The following CARM1 variants were observed in gnomAD, a reference collection of about 807,000 sequenced individuals.
CARM1 encodes the protein histone-arginine methyltransferase CARM1.
In CARM1, 14 loss-of-function variants were observed where a neutral mutation model predicts 72.7. The observed-to-expected ratio is 0.19, with a 90% CI of 0.13 to 0.30. CARM1 has a LOEUF of 0.30. Among genes scored for constraint, CARM1 ranks in the 10% least tolerant of loss-of-function variants. The pLI, the probability that CARM1 is intolerant of heterozygous loss-of-function variation, is 1.00. For missense variants in CARM1, 432 were observed against 833.7 expected, an observed-to-expected ratio of 0.52 and a Z score of 5.93; for synonymous variants, 333 against 345.5, an observed-to-expected ratio of 0.96 and a Z score of 0.40.
chr19:10,920,953 A>C lies in CARM1; in HGVS notation c.1537+7A>C. 1 of 1,613,656 alleles carries C rather than the reference A, an allele frequency of 6.2e-7. No homozygotes were observed. Among genetic ancestry groups the C allele is most frequent in the Non-Finnish European group, 8.5e-7 (1 of 1,179,540 alleles). ...AGCGGGATGGCCGTGGCAGGTGAGC[A>C]GGGCCCACCCCAATGCCCAGCCAAC... is the stretch of plus-strand genomic sequence containing the variant. On this transcript the variant is annotated splice_region_variant and intron_variant, in intron 13 of 15. Coordinates refer to ENST00000327064, the MANE Select transcript of CARM1 (RefSeq NM_199141.2). The surrounding 1 kb of genome is among the most constrained non-coding windows in gnomAD (Gnocchi z 5.3).
intron 1 of CARM1, among the ~76,000 whole-genome samples, chr19:10,881,864 A>T (rs2073904461): frequency 6.6e-6 from 1 of 152,188 alleles, no homozygotes; most frequent in South Asian, 2.1e-4. Flanking sequence ...TTAGGAGCCC[A>T]GGGATGTGGT....
At chr19:10,900,982 C>G (rs948566391) in intron 1 of CARM1, among the ~76,000 whole-genome samples, 1 of 140,042 alleles carries the variant, frequency 7.1e-6, no homozygotes, top group African/African-American at 2.6e-5. Flanking sequence ...TGCACCCGGA[C>G]TTTTTTTTTT....
chr19:10,883,300 G>A (rs1003433153), intron 1 of CARM1, among the ~76,000 whole-genome samples: 2 of 152,164 alleles, frequency 1.3e-5, no homozygotes, highest in African/African-American at 2.4e-5. Flanking sequence ...AGGTGTGGGG[G>A]TAGGTAGGAC....
At chr19:10,886,519 T>A (rs1019159575) in intron 1 of CARM1, among the ~76,000 whole-genome samples, 14 of 150,914 alleles carry the variant, frequency 9.3e-5, no homozygotes, top group Non-Finnish European at 1.9e-4. Context: ...TTATCTTTTA[T>A]CTTTTTTTTT....
intron 1 of CARM1, among the ~76,000 whole-genome samples, chr19:10,893,676 G>A (rs2074004410): frequency 6.6e-6 from 1 of 152,220 alleles, no homozygotes; most frequent in African/African-American, 2.4e-5. Context: ...TGAGGCCAGG[G>A]GTGAAGGCAG....
chr19:10,889,587 C>T (rs1332663184), intron 1 of CARM1, among the ~76,000 whole-genome samples: 1 of 151,760 alleles, frequency 6.6e-6, no homozygotes, highest in Non-Finnish European at 1.5e-5. Flanking sequence ...CCTCAGCCTC[C>T]CAAAGTGCTG....
At chr19:10,913,126 G>A (rs545301734) in intron 5 of CARM1, among the ~76,000 whole-genome samples, 5 of 151,720 alleles carry the variant, frequency 3.3e-5, no homozygotes, top group East Asian at 1.9e-4. Context: ...TTTTTTTTGG[G>A]GGGGGTCTCA....
chr19:10,881,672 C>T (rs2073903079), intron 1 of CARM1, among the ~76,000 whole-genome samples: 1 of 151,804 alleles, frequency 6.6e-6, no homozygotes, highest in African/African-American at 2.4e-5. Context: ...AGTGGAGCTG[C>T]AGAGAGAGCA....
At chr19:10,885,263 C>T (rs2073932857) in intron 1 of CARM1, among the ~76,000 whole-genome samples, 1 of 152,200 alleles carries the variant, frequency 6.6e-6, no homozygotes, top group African/African-American at 2.4e-5. Context: ...TCTGTGCCCC[C>T]CCACCCCTGC....
intron 1 of CARM1, among the ~76,000 whole-genome samples, chr19:10,876,821 A>G (rs1314126346): frequency 6.6e-6 from 1 of 152,232 alleles, no homozygotes; most frequent in East Asian, 1.9e-4. Flanking sequence ...GTGCCGGGAA[A>G]GAGAACAGAA....
rs570725383 is a variant in CARM1, at chr19:10,896,041, C to T, written c.221-8910C>T. Among the ~76,000 whole-genome samples the T allele has an allele frequency of 6.6e-6, 1 of 152,156 alleles. No individual in the cohort carries two copies. The highest frequency in any genetic ancestry group is 1.9e-4 in the East Asian group (1 of 5,178). On this transcript the variant is annotated intron_variant, in intron 1 of 15. Coordinates refer to ENST00000327064, the MANE Select transcript of CARM1 (RefSeq NM_199141.2). This position sits in a 1 kb window ranked among gnomAD's most constrained non-coding sequence, Gnocchi z 5.2. ...GCAGCAGTGAGACTGCAGACATTGG[C>T]AGGGGGCTGGTTCCGGAAGGTGCTG... is the stretch of plus-strand genomic sequence containing the variant.
chr19:10,919,301 C>T (rs139413063), intron 8 of CARM1: 12 of 350,276 alleles, frequency 3.4e-5, no homozygotes, highest in Non-Finnish European at 4.7e-5. Context: ...GTCGCTACCA[C>T]GGACAATCTA....
chr19:10,871,601 G>GGCGGCGGCGGCGGCGGCGGCT lies in CARM1; in HGVS notation c.-82_-81insTGCGGCGGCGGCGGCGGCGGC, dbSNP rs2073814238. On this transcript the variant is annotated 5_prime_UTR_variant, in exon 1 of 16. Coordinates refer to ENST00000327064, the MANE Select transcript of CARM1 (RefSeq NM_199141.2). This position sits in a 1 kb window ranked among gnomAD's most constrained non-coding sequence, Gnocchi z 5.6. ...CGGCGGTAGCGGCAGCGGCGGCGGC[G>GGCGGCGGCGGCGGCGGCGGCT]GCGGCGGCGGCGGCGGCGGCGGCGG... 1 of 104,312 alleles carries GGCGGCGGCGGCGGCGGCGGCT rather than the reference G, an allele frequency of 9.6e-6. No homozygotes were observed. The highest frequency in any genetic ancestry group is 4.2e-4 in the East Asian group (1 of 2,400). 6.5% of individuals were successfully genotyped at this position (104,312 alleles called of 1,614,324 possible). A position where few individuals can be genotyped will look rare whatever the true frequency, so the allele number is the denominator to read the frequency against.
intron 1 of CARM1, among the ~76,000 whole-genome samples, chr19:10,892,506 C>T (rs2073995352): frequency 2.0e-5 from 3 of 152,180 alleles, no homozygotes; most frequent in African/African-American, 4.8e-5. Flanking sequence ...TCTCCGAGGA[C>T]GACATCGGAG....
At chr19:10,905,403 T>A (rs375803439) in intron 2 of CARM1, among the ~76,000 whole-genome samples, 1 of 151,814 alleles carries the variant, frequency 6.6e-6, no homozygotes, top group Non-Finnish European at 1.5e-5. Flanking sequence ...GGGCCAGCTG[T>A]GGATGGAGTG....
chr19:10,883,251 C>T (rs1306763988), intron 1 of CARM1, among the ~76,000 whole-genome samples: 1 of 152,122 alleles, frequency 6.6e-6, no homozygotes, highest in Non-Finnish European at 1.5e-5. Context: ...CCTGAGCCTG[C>T]TATGTGGCCT....
intron 5 of CARM1, among the ~76,000 whole-genome samples, chr19:10,913,604 G>T (rs955853779): frequency 1.3e-5 from 2 of 152,096 alleles, no homozygotes; most frequent in East Asian, 3.9e-4. Context: ...CTCCATGTTG[G>T]TCAGGCTAGT....
chr19:10,895,280 T>C (rs766719305), intron 1 of CARM1, among the ~76,000 whole-genome samples: 6 of 152,116 alleles, frequency 3.9e-5, no homozygotes, highest in Non-Finnish European at 7.4e-5. Flanking sequence ...GATTTTTGTA[T>C]TTTTGGTAGA....
rs1295718018 is a variant in CARM1, at chr19:10,871,650, G to A, written c.-53G>A. 51 of 344,634 alleles carry A rather than the reference G, an allele frequency of 1.5e-4. No homozygotes were observed. Among genetic ancestry groups the A allele is most frequent in the South Asian group, 5.5e-4 (5 of 9,160 alleles). 21.3% of individuals were successfully genotyped at this position (344,634 alleles called of 1,614,324 possible). On this transcript the variant is annotated 5_prime_UTR_variant, in exon 1 of 16. Transcript: ENST00000327064. This position sits in a 1 kb window ranked among gnomAD's most constrained non-coding sequence, Gnocchi z 5.6. ...GGCGGCGGCGGCGGCAGCGGCGGCG[G>A]CCTGGGCCCGGGCGCAGCGGCGGCG...
Sources: gnomAD v4.1 joint callset for allele counts (sites outside exome capture counted in the v4.1 genomes callset) on GRCh38, gnomAD v4.1.1 for gene constraint, Gnocchi (gnomAD v3.1) non-coding constraint, MANE v1.5 for transcripts, NCBI Gene and HGNC (gene_info 2026-07-23, HGNC 2026-07-21) for gene names.